SGCD: variants seen among roughly 807,000 people sequenced by gnomAD.
The protein encoded by SGCD is delta-sarcoglycan.
In SGCD, 18 loss-of-function variants were observed where a neutral mutation model predicts 36.6. The observed-to-expected ratio is 0.49, with a 90% confidence interval of 0.34 to 0.73. SGCD has a LOEUF of 0.73. SGCD is among the 30% of genes least tolerant of loss of function. SGCD has a pLI of 0.01. For missense variants in SGCD, 387 were observed against 346.7 expected, an observed-to-expected ratio of 1.12 and a Z score of -0.92; for synonymous variants, 133 against 130.6, an observed-to-expected ratio of 1.02 and a Z score of -0.12.
intron 4 of SGCD, among the ~76,000 whole-genome samples, chr5:156,545,033 TTGAC>T (rs2113167219): frequency 6.6e-6 from 1 of 152,308 alleles, no homozygotes; most frequent in South Asian, 2.1e-4. Context: ...GTCAGTTTCT[TTGAC>T]TGTTCAGTGA....
In SGCD at chr5:156,743,021, A is replaced by G. The variant is rs189417683; in HGVS notation, c.576-14560A>G. 6.8e-3 allele frequency among the ~76,000 whole-genome samples: 1,031 copies of G among 152,008 alleles called. 5 individuals are homozygous for G. The highest frequency in any genetic ancestry group is 0.012 in the Non-Finnish European group (786 of 67,946). ...GTCAAGTTGAAAAATAAAATTAACC[A>G]TCACAGGAATATTTTTTGCCCGCTT... On this transcript the variant is annotated intron_variant, in intron 7 of 8. Coordinates refer to ENST00000337851, the MANE Select transcript of SGCD (RefSeq NM_000337.6).
At chr5:156,514,929 G>A (rs754587480) in intron 4 of SGCD, among the ~76,000 whole-genome samples, 21 of 152,222 alleles carry the variant, frequency 1.4e-4, no homozygotes, top group African/African-American at 1.7e-4. Context: ...AATGGTAGCC[G>A]CTACCTTCAT....
intron 7 of SGCD, among the ~76,000 whole-genome samples, chr5:156,677,059 TG>T (rs1358367175): frequency 1.3e-5 from 2 of 152,198 alleles, no homozygotes; most frequent in East Asian, 3.9e-4. Context: ...GAACCTCCTT[TG>T]GGAGAAGGCT....
At chr5:156,533,135 T>C (rs560712880) in intron 4 of SGCD, among the ~76,000 whole-genome samples, 1 of 152,290 alleles carries the variant, frequency 6.6e-6, no homozygotes, top group Non-Finnish European at 1.5e-5. Context: ...GAGGAGACCA[T>C]GTTATTTCCT....
At chr5:156,197,720 A>C (rs1764054520) in intron 3 of SGCD, among the ~76,000 whole-genome samples, 2 of 152,042 alleles carry the variant, frequency 1.3e-5, no homozygotes, top group Admixed American at 6.6e-5. Context: ...TTACTTGGGC[A>C]TGCTGATTTT....
chr5:156,619,112 G>A (rs1762138011), intron 6 of SGCD, among the ~76,000 whole-genome samples: 1 of 150,472 alleles, frequency 6.6e-6, no homozygotes, highest in Admixed American at 6.7e-5. Flanking sequence ...TGCAAGCTCC[G>A]CCTCCCAGCT....
chr5:156,243,817 A>G (rs983543313), intron 3 of SGCD, among the ~76,000 whole-genome samples: 1 of 152,230 alleles, frequency 6.6e-6, no homozygotes, highest in African/African-American at 2.4e-5. Context: ...AAGGATCCAG[A>G]GGCCAGTTCA....
At chr5:156,484,969 C>T (rs1249047119) in intron 3 of SGCD, among the ~76,000 whole-genome samples, 3 of 151,998 alleles carry the variant, frequency 2.0e-5, no homozygotes, top group Non-Finnish European at 4.4e-5. Flanking sequence ...TTGAAAAGTG[C>T]CAGTAAAGTA....
chr5:155,800,019 A>G, the SGCD span, among the ~76,000 whole-genome samples: 1 of 151,848 alleles, frequency 6.6e-6, no homozygotes, highest in Admixed American at 6.6e-5. Context: ...GGGTTTCACC[A>G]TGTTGGCCAG....
chr5:156,181,120 C>T (rs917855820), intron 3 of SGCD, among the ~76,000 whole-genome samples: 2 of 152,098 alleles, frequency 1.3e-5, no homozygotes, highest in Admixed American at 6.6e-5. Flanking sequence ...CAGAGAGAAA[C>T]CTTGGTTCTG....
At chr5:156,176,640 T>C (rs911178772) in intron 3 of SGCD, among the ~76,000 whole-genome samples, 1 of 152,180 alleles carries the variant, frequency 6.6e-6, no homozygotes, top group Non-Finnish European at 1.5e-5. Flanking sequence ...ATAATAATTA[T>C]TCTGACTGAC....
At chr5:155,903,648 T>C (rs1322958548) in intron 1 of SGCD, among the ~76,000 whole-genome samples, 1 of 152,160 alleles carries the variant, frequency 6.6e-6, no homozygotes, top group Non-Finnish European at 1.5e-5. Context: ...TCTTCTTTGA[T>C]TAGCCAGTTA....
At chr5:155,811,909 A>G in the SGCD span, among the ~76,000 whole-genome samples, 1 of 143,564 alleles carries the variant, frequency 7.0e-6, no homozygotes, top group Non-Finnish European at 1.5e-5. Context: ...GTAGAAGTAC[A>G]GTGCATTTGT....
At chr5:156,475,755 C>T (rs1401286617) in intron 3 of SGCD, among the ~76,000 whole-genome samples, 7 of 152,096 alleles carry the variant, frequency 4.6e-5, no homozygotes, top group African/African-American at 1.7e-4. Flanking sequence ...GGTTTCAGGC[C>T]CCCCAACTCA....
At chr5:156,547,441 C>CT (rs398065337) in intron 4 of SGCD, among the ~76,000 whole-genome samples, 21,437 of 145,128 alleles carry the variant, frequency 0.15, 3,290 homozygotes, top group African/African-American at 0.39. Context: ...GATAATATGA[C>CT]TTTTTTTTTT....
At chr5:156,390,756 T>C (rs1169113265) in intron 3 of SGCD, among the ~76,000 whole-genome samples, 2 of 151,934 alleles carry the variant, frequency 1.3e-5, no homozygotes. Context: ...TTAATGCATA[T>C]GAAAAAAATT....
chr5:156,021,572 G>T (rs1759098402), intron 1 of SGCD, among the ~76,000 whole-genome samples: 1 of 152,194 alleles, frequency 6.6e-6, no homozygotes, highest in Non-Finnish European at 1.5e-5. Flanking sequence ...TAGGGTGATT[G>T]TGAGTACTCT....
chr5:156,313,267 A>G (rs1767436802), intron 3 of SGCD, among the ~76,000 whole-genome samples: 1 of 152,138 alleles, frequency 6.6e-6, no homozygotes, highest in Admixed American at 6.5e-5. Context: ...AAAGCTGTGA[A>G]GACATTTCTC....
intron 3 of SGCD, among the ~76,000 whole-genome samples, chr5:156,223,052 T>C (rs1005899078): frequency 2.0e-5 from 3 of 152,132 alleles, no homozygotes; most frequent in Non-Finnish European, 4.4e-5. Context: ...ATAACAGTTA[T>C]GATAAGTATG....
Sources: gnomAD v4.1 joint callset for allele counts (sites outside exome capture counted in the v4.1 genomes callset) on GRCh38, gnomAD v4.1.1 for gene constraint, MANE v1.5 for transcripts, NCBI Gene and HGNC (gene_info 2026-07-23, HGNC 2026-07-21) for gene names.